TMEM184C: variants seen among roughly 807,000 people sequenced by gnomAD.
TMEM184C encodes transmembrane protein 34.
In TMEM184C, 25 loss-of-function variants were observed where a neutral mutation model predicts 54.5. The observed-to-expected ratio is 0.46, with a 90% CI of 0.33 to 0.64. The LOEUF (loss-of-function observed/expected upper bound fraction) is 0.64. Ranked by LOEUF, TMEM184C falls within the 30% of genes least tolerant of loss-of-function variation. The pLI is 0.02. For missense variants in TMEM184C, 335 were observed against 520.3 expected (o/e 0.64, Z 3.46); for synonymous variants, 148 against 181.5 (o/e 0.82, Z 1.49).
At chr4:147,631,185 C>T (rs570560316) in intron 6 of TMEM184C, among the ~76,000 whole-genome samples, 29 of 152,222 alleles carry the variant, frequency 1.9e-4, no homozygotes, top group Middle Eastern at 3.4e-3. Flanking sequence ...GAAGTGAACA[C>T]TTAAAAACAT....
intron 4 of TMEM184C, among the ~76,000 whole-genome samples, chr4:147,627,557 T>C (rs1289999882): frequency 1.3e-5 from 2 of 152,316 alleles, no homozygotes; most frequent in African/African-American, 4.8e-5. Context: ...GGCGTGAGGA[T>C]GGCTTGAGCC....
intron 5 of TMEM184C, among the ~76,000 whole-genome samples, chr4:147,628,913 T>TA (rs1349974766): frequency 6.6e-6 from 1 of 152,160 alleles, no homozygotes; most frequent in Non-Finnish European, 1.5e-5. Context: ...AACTATTCCC[T>TA]AAAAATTCAA....
At chr4:147,630,244 T>TA (rs1350032002) in intron 6 of TMEM184C, among the ~76,000 whole-genome samples, 2 of 152,150 alleles carry the variant, frequency 1.3e-5, no homozygotes, top group Admixed American at 6.5e-5. Flanking sequence ...CTTACAAGCT[T>TA]AAAAAAATGT....
At chr4:147,620,009 T>C (rs983033759) in intron 1 of TMEM184C, among the ~76,000 whole-genome samples, 11 of 152,214 alleles carry the variant, frequency 7.2e-5, no homozygotes, top group Admixed American at 7.2e-4. Flanking sequence ...GTCCTAGGCT[T>C]CCACTGCACG....
rs749473531 is a variant in TMEM184C, at chr4:147,632,900, T to C, written c.780-3T>C. ...TTGGCGTTTACCTTTTCCTAACATA[T>C]AGGCAAGCAGTAGTTATTGCTTTGT... On this transcript the variant is annotated splice_region_variant and splice_polypyrimidine_tract_variant and intron_variant, in intron 7 of 9. Coordinates refer to ENST00000296582, the MANE Select transcript of TMEM184C (RefSeq NM_018241.3). 5.0e-6 allele frequency: 8 copies of C among 1,612,670 alleles called. No individual in the cohort carries two copies. The highest frequency in any genetic ancestry group is 2.2e-5 in the East Asian group (1 of 44,858).
At chr4:147,630,388 T>A (rs949374724) in intron 6 of TMEM184C, among the ~76,000 whole-genome samples, 7 of 152,092 alleles carry the variant, frequency 4.6e-5, no homozygotes, top group Non-Finnish European at 1.0e-4. Context: ...ATGTTCATCC[T>A]CTTTGGAACC....
chr4:147,632,366 A>C (rs1578861987), intron 7 of TMEM184C, among the ~76,000 whole-genome samples: 1 of 152,158 alleles, frequency 6.6e-6, no homozygotes, highest in East Asian at 1.9e-4. Flanking sequence ...AAAGTTTCAT[A>C]CTATAAAAAT....
At chr4:147,618,325 T>C (rs1220394271) in intron 1 of TMEM184C, among the ~76,000 whole-genome samples, 2 of 152,232 alleles carry the variant, frequency 1.3e-5, no homozygotes, top group Non-Finnish European at 2.9e-5. Context: ...GGGCACTGTT[T>C]TGCAAGTATT....
chr4:147,629,544 A>AT, intron 5 of TMEM184C, 55 bp from the exon 6 acceptor site: 1 of 1,357,810 alleles, frequency 7.4e-7, no homozygotes, highest in Non-Finnish European at 1.0e-6. Flanking sequence ...CTATTGCTGT[A>AT]TTTTGAAGTA....
At chr4:147,625,491 T>C (rs1732798233) in intron 4 of TMEM184C, among the ~76,000 whole-genome samples, 1 of 152,244 alleles carries the variant, frequency 6.6e-6, no homozygotes, top group Non-Finnish European at 1.5e-5. Flanking sequence ...GAAAAATAAA[T>C]TGAGTTTACA....
In TMEM184C at chr4:147,624,980, ATGT is replaced by A. The variant is rs1362278896; in HGVS notation, c.471_473del (p.Cys159del). 6.2e-7 allele frequency: 1 copy of A among 1,613,902 alleles called. No homozygotes were observed. The highest frequency in any genetic ancestry group is 2.2e-5 in the East Asian group (1 of 44,812). Reference sequence around the variant, plus strand: ...ATCAACAGAAACATTTCCCTCCTTTATGTTGCTGTCCACCATGGGCTATGGGAG... The same window carrying A: ...ATCAACAGAAACATTTCCCTCCTTTATGCTGTCCACCATGGGCTATGGGAG... On this transcript the variant is annotated inframe_deletion, in exon 4 of 10. Coordinates refer to ENST00000296582, the MANE Select transcript of TMEM184C (RefSeq NM_018241.3).
At chr4:147,622,153 C>T (rs192243013) in intron 1 of TMEM184C, among the ~76,000 whole-genome samples, 5 of 151,980 alleles carry the variant, frequency 3.3e-5, no homozygotes, top group African/African-American at 1.2e-4. Context: ...ATGTTGCCCA[C>T]ACTGGTCTCA....
At chr4:147,629,916 C>G (rs1230995980) in intron 6 of TMEM184C, among the ~76,000 whole-genome samples, 1 of 151,094 alleles carries the variant, frequency 6.6e-6, no homozygotes. Flanking sequence ...GCAACTTATA[C>G]CCTCACATGT....
rs1732962441 is a variant in TMEM184C at position 147,633,939 on chromosome 4, A to G, written c.1051+3A>G. Reference sequence around the variant, plus strand: ...TTCTGAACAAGTAAGGCATGTTGGTAAGTACCAGCTATTTAATTCAACCAA... The same window carrying G: ...TTCTGAACAAGTAAGGCATGTTGGTGAGTACCAGCTATTTAATTCAACCAA... On this transcript the variant is annotated splice_donor_region_variant and intron_variant, in intron 9 of 9. Transcript: ENST00000296582. 1 of 1,610,378 alleles carries G rather than the reference A, an allele frequency of 6.2e-7. No homozygotes were observed. The highest frequency in any genetic ancestry group is 1.3e-5 in the African/African-American group (1 of 74,784).
chr4:147,621,784 G>C (rs1025748623), intron 1 of TMEM184C, among the ~76,000 whole-genome samples: 3 of 152,198 alleles, frequency 2.0e-5, no homozygotes, highest in Middle Eastern at 3.4e-3. Context: ...TTGGCCTGCA[G>C]TGACCAAGTC....
intron 6 of TMEM184C, among the ~76,000 whole-genome samples, chr4:147,630,921 C>T (rs902537436): frequency 2.6e-5 from 4 of 152,096 alleles, no homozygotes; most frequent in Middle Eastern, 3.4e-3. Context: ...ACTAATACAC[C>T]GCTCTCAGGA....
Position 147,618,214 on chromosome 4 carries a change from TA to T in TMEM184C, c.123+138del, listed in dbSNP as rs1560949965. ...TGTAAACGAGCCTACTCTTAGGATA[TA>T]AACCTGTCTAATTTCTTGTTCACGG... On this transcript the variant is annotated intron_variant, in intron 1 of 9. Coordinates refer to ENST00000296582, the MANE Select transcript of TMEM184C (RefSeq NM_018241.3). 3 of 1,274,012 alleles carry T rather than the reference TA, an allele frequency of 2.4e-6. No homozygotes were observed. The South Asian group carries it at 4.3e-5, about 18-fold the overall frequency. The allele number at this position is 1,274,012 out of a possible 1,614,324, so 78.9% of individuals were successfully genotyped here.
chr4:147,617,835 G>A lies in TMEM184C; in HGVS notation c.-122G>A. On this transcript the variant is annotated 5_prime_UTR_variant, in exon 1 of 10. Transcript: ENST00000296582. The stretch of plus-strand genomic sequence containing the variant: ...GGAGGCGGCTCGAGCTGTTCGTAAA[G>A]TCGCCCGACAGCTTTTTCTCCGTAG... 1.4e-6 allele frequency: 2 copies of A among 1,435,942 alleles called. No individual in the cohort carries two copies. Among genetic ancestry groups the A allele is most frequent in the Non-Finnish European group, 1.9e-6 (2 of 1,033,956 alleles). The allele number at this position is 1,435,942 out of a possible 1,614,324, so 89.0% of individuals were successfully genotyped here.
chr4:147,624,740 G>T, intron 3 of TMEM184C, 64 bp from the exon 4 acceptor site: 1 of 1,495,944 alleles, frequency 6.7e-7, no homozygotes, highest in South Asian at 1.2e-5. Flanking sequence ...TGAGTACCAT[G>T]AATGGAGTGG....
Sources: allele counts gnomAD v4.1 joint callset (sites outside exome capture counted in the v4.1 genomes callset), GRCh38; gene constraint gnomAD v4.1.1; transcripts MANE v1.5; gene names NCBI Gene and HGNC (gene_info 2026-07-23, HGNC 2026-07-21).